Variants in OR1L6 observed in about 807,000 individuals in gnomAD.
OR1L6 encodes olfactory receptor family 1 subfamily L member 6.
Under a neutral mutation model 3.0 loss-of-function variants are expected in OR1L6, and 2 were observed. The ratio of observed to expected loss-of-function variants is 0.68; its 90% CI spans 0.28 to 2.13. The LOEUF (loss-of-function observed/expected upper bound fraction) is 2.13, where lower values mean the gene tolerates loss of function less well. OR1L6 is among the 30% of genes most tolerant of loss of function. OR1L6 has a pLI of 0.14. For synonymous variants in OR1L6, 121 were observed against 148.4 expected (o/e 0.82, Z 1.34); for missense variants, 304 against 378.4 (o/e 0.80, Z 1.63).
At chr9:122,748,352 T>A (rs1828856309) in intron 1 of OR1L6, among the ~76,000 whole-genome samples, 1 of 151,722 alleles carries the variant, frequency 6.6e-6, no homozygotes, top group South Asian at 2.1e-4. Context: ...ATACCCTGAA[T>A]GAAAGTATCC....
intron 1 of OR1L6, among the ~76,000 whole-genome samples, chr9:122,748,149 CAAA>C (rs1828854326): frequency 6.6e-6 from 1 of 152,018 alleles, no homozygotes; most frequent in Admixed American, 6.6e-5. Context: ...TCATATTAAC[CAAA>C]CAGAAAGGTT....
In OR1L6 at chr9:122,750,770, G is replaced by A; in HGVS notation, c.923G>A (p.Arg308Lys). 1 of 1,602,280 alleles carries A rather than the reference G, an allele frequency of 6.2e-7. No individual in the cohort carries two copies. The highest frequency in any genetic ancestry group is 8.5e-7 in the Non-Finnish European group (1 of 1,174,318). ...AGGGGTTTGAAGAAATTACAGGACA[G>A]AATTTACCGGTAAAAGGAACAAAAT... ...MKRGLKKLQD[R>K]IYR is the part of the protein sequence containing the mutation. The change falls in exon 2 of 2, where the codon AGA becomes AAA. Residue 308 changes from arginine (R) to lysine (K), a missense_variant. Arg to Lys is a conservative substitution (Grantham distance 26, BLOSUM62 2). Transcript: ENST00000304720.
At chr9:122,749,813 T>C (rs775628149) in intron 1 of OR1L6, 22 bp from the exon 2 acceptor site, 38 of 1,610,990 alleles carry the variant, frequency 2.4e-5, no homozygotes, top group Non-Finnish European at 3.1e-5. Flanking sequence ...TCTCTCCCAC[T>C]GCTTCTCCAA....
Position 122,750,274 on chromosome 9 carries a change from C to T in OR1L6, c.427C>T (p.Leu143=). ...YDVVMKPRHC[L]LMLLGSCSIS... The stretch of plus-strand genomic sequence containing the variant: ...TGTGGTTATGAAACCACGGCATTGC[C>T]TGCTCATGCTATTGGGTTCTTGCAG... The change falls in exon 2 of 2, where the codon CTG becomes TTG. Residue 143 remains leucine (L), a synonymous_variant. Transcript: ENST00000304720. 3 of 1,614,086 alleles carry T rather than the reference C, an allele frequency of 1.9e-6. No homozygotes were observed. Among genetic ancestry groups the T allele is most frequent in the Non-Finnish European group, 1.7e-6 (2 of 1,180,016 alleles).
intron 1 of OR1L6, among the ~76,000 whole-genome samples, chr9:122,745,593 T>C (rs938243918): frequency 6.6e-6 from 1 of 151,850 alleles, no homozygotes; most frequent in Non-Finnish European, 1.5e-5. Flanking sequence ...TTTGTATTTT[T>C]AGTAGAGACG....
intron 1 of OR1L6, among the ~76,000 whole-genome samples, chr9:122,746,648 G>C (rs558368251): frequency 1.3e-5 from 2 of 152,294 alleles, no homozygotes; most frequent in South Asian, 4.1e-4. Flanking sequence ...GGACAAAGAA[G>C]TGCAGATTTT....
At position 122,749,958 on chromosome 9, in the gene OR1L6, G is replaced by C; in HGVS notation, c.111G>C (p.Leu37=). 9 of 1,614,104 alleles carry C rather than the reference G, an allele frequency of 5.6e-6. No individual in the cohort carries two copies. The highest frequency in any genetic ancestry group is 6.8e-6 in the Non-Finnish European group (8 of 1,180,034). ...TTGCCATCTTCCTCATCATGTACCT[G>C]CTCGCTGCGGTGGGGAATGTGCTCA... ...PLFAIFLIMY[L]LAAVGNVLII... Residue 37 remains leucine, a synonymous_variant, in exon 2 of 2, where the codon CTG becomes CTC. Coordinates refer to ENST00000304720, the MANE Select transcript of OR1L6 (RefSeq NM_001004453.3).
rs780354193 is a variant in OR1L6 at position 122,749,874 on chromosome 9, C to T, written c.27C>T (p.Ser9=). 1 of 1,614,188 alleles carries T rather than the reference C, an allele frequency of 6.2e-7. No individual in the cohort carries two copies. The highest frequency in any genetic ancestry group is 1.1e-5 in the South Asian group (1 of 91,082). ...TGGAGATAAAGAACTACAGCAGCAG[C>T]ACCTCAGGCTTCATCCTCCTGGGCC... MEIKNYSS[S]TSGFILLGLS... is the part of the protein sequence containing the mutation. The change falls in exon 2 of 2, where the codon AGC becomes AGT. Residue 9 remains serine, a synonymous_variant. Coordinates refer to ENST00000304720, the MANE Select transcript of OR1L6 (RefSeq NM_001004453.3).
At chr9:122,747,728 G>C (rs968340681) in intron 1 of OR1L6, among the ~76,000 whole-genome samples, 1 of 151,416 alleles carries the variant, frequency 6.6e-6, no homozygotes, top group Admixed American at 6.6e-5. Flanking sequence ...ATTAATATTT[G>C]TATATTTAAT....
chr9:122,744,762 T>G (rs1828818477), intron 1 of OR1L6, among the ~76,000 whole-genome samples: 1 of 152,202 alleles, frequency 6.6e-6, no homozygotes, highest in Non-Finnish European at 1.5e-5. Context: ...TCAACTGTCA[T>G]TTGACAGCTC....
At position 122,750,656 on chromosome 9, in the gene OR1L6, T is replaced by A. The variant is rs1160669870; in HGVS notation, c.809T>A (p.Val270Asp). ...YFRPLSMYSV[V>D]RDRVATVMYT... Reference sequence around the variant, plus strand: ...AGGCCCCTGTCCATGTACTCAGTGGTTAGGGACCGGGTAGCCACAGTTATG... The same window carrying A: ...AGGCCCCTGTCCATGTACTCAGTGGATAGGGACCGGGTAGCCACAGTTATG... The change falls in exon 2 of 2, where the codon GTT becomes GAT. Residue 270 changes from valine to aspartate, a missense_variant. Transcript: ENST00000304720. 6.2e-7 allele frequency: 1 copy of A among 1,614,138 alleles called. No homozygotes were observed. Among genetic ancestry groups the A allele is most frequent in the Non-Finnish European group, 8.5e-7 (1 of 1,180,028 alleles).
At chr9:122,743,084 C>G (rs932375482) in intron 1 of OR1L6, among the ~76,000 whole-genome samples, 1 of 152,164 alleles carries the variant, frequency 6.6e-6, no homozygotes, top group Non-Finnish European at 1.5e-5. Flanking sequence ...CCTTAGGACT[C>G]GGGATACTTA....
At position 122,750,517 on chromosome 9, in the gene OR1L6, G is replaced by A. The variant is rs78336840; in HGVS notation, c.670G>A (p.Val224Ile). ...CIIFSYLRIM[V>I]TVLRIPSAAG... Reference sequence around the variant, plus strand: ...CATCTTCTCCTACCTGCGAATCATGGTCACTGTGCTCAGAATCCCCTCTGC... The same window carrying A: ...CATCTTCTCCTACCTGCGAATCATGATCACTGTGCTCAGAATCCCCTCTGC... The change falls in exon 2 of 2, where the codon GTC becomes ATC. Residue 224 changes from valine (V) to isoleucine (I), a missense_variant. Transcript: ENST00000304720. 5.6e-5 allele frequency: 50 copies of A among 900,822 alleles called. No individual in the cohort carries two copies. The highest frequency in any genetic ancestry group is 2.2e-4 in the African/African-American group (14 of 63,560). 55.8% of individuals were successfully genotyped at this position (900,822 alleles called of 1,614,324 possible). A position where few individuals can be genotyped will look rare whatever the true frequency, so the allele number is the denominator to read the frequency against.
chr9:122,745,028 G>A (rs1828821550), intron 1 of OR1L6, among the ~76,000 whole-genome samples: 1 of 152,196 alleles, frequency 6.6e-6, no homozygotes, highest in Non-Finnish European at 1.5e-5. Context: ...AAAAGATACA[G>A]AGAAGGAAAT....
At position 122,750,341 on chromosome 9, in the gene OR1L6, C is replaced by T. The variant is rs1828880928; in HGVS notation, c.494C>T (p.Ser165Phe). ...TCCCTGTTCCGCGTGCTACTTATGT[C>T]TCGCTTGTCTTTCTGTGCCTCTCAC... ...LHSLFRVLLM[S>F]RLSFCASHII... The change falls in exon 2 of 2, where the codon TCT (serine) becomes TTT (phenylalanine). Residue 165 changes from serine (S) to phenylalanine (F), a missense_variant. Coordinates refer to ENST00000304720, the MANE Select transcript of OR1L6 (RefSeq NM_001004453.3). 1 of 1,613,748 alleles carries T rather than the reference C, an allele frequency of 6.2e-7. No individual in the cohort carries two copies. Among genetic ancestry groups the T allele is most frequent in the Non-Finnish European group, 8.5e-7 (1 of 1,179,820 alleles).
chr9:122,745,573 C>T (rs926934413), intron 1 of OR1L6, among the ~76,000 whole-genome samples: 1 of 151,726 alleles, frequency 6.6e-6, no homozygotes, highest in African/African-American at 2.4e-5. Context: ...CCACAACGCC[C>T]AGCTAAGTTT....
At chr9:122,744,871 T>C (rs539854121) in intron 1 of OR1L6, among the ~76,000 whole-genome samples, 1 of 152,316 alleles carries the variant, frequency 6.6e-6, no homozygotes, top group Admixed American at 6.5e-5. Context: ...GGAAAATACA[T>C]GATGCTGTCA....
chr9:122,746,572 G>C (rs1271644774), intron 1 of OR1L6, among the ~76,000 whole-genome samples: 1 of 152,100 alleles, frequency 6.6e-6, no homozygotes, highest in Admixed American at 6.5e-5. Context: ...TAAAATGTCT[G>C]TACATATATT....
At chr9:122,748,039 A>T (rs1828853296) in intron 1 of OR1L6, among the ~76,000 whole-genome samples, 1 of 152,188 alleles carries the variant, frequency 6.6e-6, no homozygotes, top group African/African-American at 2.4e-5. Flanking sequence ...AAAAGTTAAC[A>T]TACTTTAAAA....
Sources: gnomAD v4.1 joint callset for allele counts (sites outside exome capture counted in the v4.1 genomes callset) on GRCh38, gnomAD v4.1.1 for gene constraint, MANE v1.5 for transcripts, NCBI Gene and HGNC (gene_info 2026-07-23, HGNC 2026-07-21) for gene names.